Variants in KCNH5 observed in about 807,000 individuals in gnomAD.
The protein encoded by KCNH5 is potassium voltage-gated channel subfamily H member 5, also known as voltage-gated delayed rectifier potassium channel KCNH5.
KCNH5 carries 46 observed loss-of-function variants against 96.1 expected under a neutral mutation model. That is an observed-to-expected ratio of 0.48 (90% confidence interval 0.38 to 0.61). The LOEUF is 0.61. Among genes scored for constraint, KCNH5 ranks in the 20% least tolerant of loss-of-function variants. The pLI, the probability that KCNH5 is intolerant of heterozygous loss-of-function variation, is 0.00. For missense variants in KCNH5, 907 were observed against 1,225.8 expected, an observed-to-expected ratio of 0.74 and a Z score of 3.88; for synonymous variants, 439 against 449.8, an observed-to-expected ratio of 0.98 and a Z score of 0.30.
intron 8 of KCNH5, among the ~76,000 whole-genome samples, chr14:62,825,822 C>T (rs1370708135): frequency 6.6e-6 from 1 of 151,732 alleles, no homozygotes; most frequent in Non-Finnish European, 1.5e-5. Context: ...CGTTCTCTTG[C>T]TCCTTCCCTT....
chr14:62,739,026 CAGG>C (rs1885217476), intron 10 of KCNH5, among the ~76,000 whole-genome samples: 1 of 151,996 alleles, frequency 6.6e-6, no homozygotes, highest in African/African-American at 2.4e-5. Context: ...ATAAATTGGA[CAGG>C]AGAAGTAAAG....
intron 8 of KCNH5, among the ~76,000 whole-genome samples, chr14:62,840,076 T>A (rs900741780): frequency 6.6e-6 from 1 of 152,206 alleles, no homozygotes; most frequent in Non-Finnish European, 1.5e-5. Flanking sequence ...GCAGGGATTA[T>A]GTTTATTTCT....
chr14:62,914,097 A>C (rs999691601), intron 7 of KCNH5, among the ~76,000 whole-genome samples: 1 of 152,244 alleles, frequency 6.6e-6, no homozygotes, highest in Non-Finnish European at 1.5e-5. Context: ...AAATTGAAAA[A>C]TACATCAAAG....
rs149128073 is a variant in KCNH5 at position 62,840,814 on chromosome 14, C to T, written c.1569+8839G>A. Among the ~76,000 whole-genome samples, 652 of 151,992 alleles carry T rather than the reference C, an allele frequency of 4.3e-3. 1 individual carries two copies. Among genetic ancestry groups the T allele is most frequent in the Non-Finnish European group, 7.3e-3 (499 of 67,946 alleles). On this transcript the variant is annotated intron_variant, in intron 8 of 10. Transcript: ENST00000322893. ...CGCTCCTGACCTCATGATCCACTCA[C>T]GTTGACCTCCCCAGGTGCTAGGATT...
At chr14:62,875,847 C>T (rs1038728080) in intron 7 of KCNH5, among the ~76,000 whole-genome samples, 2 of 151,804 alleles carry the variant, frequency 1.3e-5, no homozygotes, top group African/African-American at 4.8e-5. Context: ...GTCAATGTTA[C>T]GTTGTTGATT....
chr14:62,947,114 T>C (rs1215846376), intron 7 of KCNH5, among the ~76,000 whole-genome samples: 2 of 152,162 alleles, frequency 1.3e-5, no homozygotes, highest in Non-Finnish European at 2.9e-5. Flanking sequence ...TGGAGGAAAC[T>C]AGGTGAAGGT....
At position 62,996,894 on chromosome 14, in the gene KCNH5, A is replaced by G. The variant is rs953902990; in HGVS notation, c.433+4437T>C. Reference sequence around the variant, plus strand: ...AAATACATACTTTTTTGAGAGGAAAAGACTATGATCAAAGCTTTTTACTCA... The same window carrying G: ...AAATACATACTTTTTTGAGAGGAAAGGACTATGATCAAAGCTTTTTACTCA... On this transcript the variant is annotated intron_variant, in intron 4 of 10. Transcript: ENST00000322893. Among the ~76,000 whole-genome samples the G allele has an allele frequency of 2.0e-5, 3 of 152,224 alleles. 1 individual carries two copies. Among genetic ancestry groups the G allele is most frequent in the African/African-American group, 7.2e-5 (3 of 41,464 alleles).
At chr14:62,817,085 TTA>T (rs940855476) in intron 8 of KCNH5, among the ~76,000 whole-genome samples, 5 of 138,798 alleles carry the variant, frequency 3.6e-5, no homozygotes, top group African/African-American at 1.1e-4. Context: ...TATATATATA[TTA>T]TATATTATAT....
chr14:63,042,651 T>G (rs1201986146), intron 1 of KCNH5, among the ~76,000 whole-genome samples: 1 of 152,192 alleles, frequency 6.6e-6, no homozygotes. Flanking sequence ...CTGATCCATC[T>G]GTGAGAATCC....
intron 6 of KCNH5, among the ~76,000 whole-genome samples, chr14:62,980,398 T>A (rs1246701725): frequency 6.6e-6 from 1 of 152,246 alleles, no homozygotes; most frequent in Non-Finnish European, 1.5e-5. Flanking sequence ...TTATCATATG[T>A]GTCTTGAGAG....
At chr14:63,017,145 C>G (rs924770738) in intron 1 of KCNH5, among the ~76,000 whole-genome samples, 191 bp from the exon 2 acceptor site, 1 of 151,908 alleles carries the variant, frequency 6.6e-6, no homozygotes, top group Admixed American at 6.6e-5. Flanking sequence ...CAATAAATAT[C>G]GAATTTATAT....
intron 1 of KCNH5, among the ~76,000 whole-genome samples, chr14:63,024,224 A>G (rs1008913874): frequency 2.0e-5 from 3 of 151,480 alleles, no homozygotes; most frequent in African/African-American, 7.3e-5. Flanking sequence ...ATATATATAT[A>G]TATATCTTGA....
chr14:62,736,748 C>A (rs1296862356), intron 10 of KCNH5, among the ~76,000 whole-genome samples: 1 of 152,144 alleles, frequency 6.6e-6, no homozygotes, highest in African/African-American at 2.4e-5. Flanking sequence ...CACTCCTGAC[C>A]AAAATTGGCC....
At chr14:62,758,473 TAAATC>T (rs2139952732) in intron 10 of KCNH5, among the ~76,000 whole-genome samples, 1 of 152,260 alleles carries the variant, frequency 6.6e-6, no homozygotes, top group African/African-American at 2.4e-5. Context: ...TTTTAAAAAA[TAAATC>T]AAATTCCTCT....
At chr14:62,770,280 T>A (rs935126383) in intron 10 of KCNH5, among the ~76,000 whole-genome samples, 6 of 152,234 alleles carry the variant, frequency 3.9e-5, no homozygotes, top group African/African-American at 1.4e-4. Flanking sequence ...AAAAGATCAT[T>A]GCTACTGAGA....
chr14:62,740,062 T>C (rs889432419), intron 10 of KCNH5, among the ~76,000 whole-genome samples: 7 of 152,064 alleles, frequency 4.6e-5, no homozygotes, highest in Admixed American at 4.6e-4. Flanking sequence ...TGCTTTTCCT[T>C]CCCAGAATTC....
chr14:62,910,600 G>A (rs1269704565), intron 7 of KCNH5, among the ~76,000 whole-genome samples: 1 of 152,122 alleles, frequency 6.6e-6, no homozygotes, highest in Non-Finnish European at 1.5e-5. Flanking sequence ...ACATAAAATA[G>A]ACATTCAGAG....
At chr14:63,028,097 A>G (rs1341956247) in intron 1 of KCNH5, among the ~76,000 whole-genome samples, 2 of 151,792 alleles carry the variant, frequency 1.3e-5, no homozygotes, top group Non-Finnish European at 2.9e-5. Context: ...AACTCTGCAA[A>G]GGCTTTACAA....
chr14:62,902,417 T>C (rs1434489492), intron 7 of KCNH5, among the ~76,000 whole-genome samples: 1 of 152,112 alleles, frequency 6.6e-6, no homozygotes, highest in Non-Finnish European at 1.5e-5. Context: ...GGGATTTAAA[T>C]TGTACAATAA....
Sources: allele counts gnomAD v4.1 joint callset (sites outside exome capture counted in the v4.1 genomes callset), GRCh38; gene constraint gnomAD v4.1.1; transcripts MANE v1.5; gene names NCBI Gene and HGNC (gene_info 2026-07-23, HGNC 2026-07-21).